Variants in NCOA2 observed in about 807,000 individuals in gnomAD.
NCOA2 encodes nuclear receptor coactivator 2, also known as class E basic helix-loop-helix protein 75.
NCOA2 carries 21 observed loss-of-function variants against 145.1 expected under a neutral mutation model. The ratio of observed to expected loss-of-function variants is 0.14; its 90% CI spans 0.10 to 0.21. The LOEUF is 0.21. NCOA2 is among the 10% of genes least tolerant of loss of function. NCOA2 has a pLI of 1.00. For missense variants in NCOA2, 1,472 were observed against 1,837.6 expected (o/e 0.80, Z 3.64); for synonymous variants, 619 against 637.5 (o/e 0.97, Z 0.44).
In NCOA2 at chr8:70,161,351, T is replaced by C. The variant is rs547928170; in HGVS notation, c.976+1360A>G. ...GTTTTTGTTATTACTATTCTTCCTA[T>C]TTTAAACCAGATGTAATGAAATAGT... On this transcript the variant is annotated intron_variant, in intron 9 of 22. Coordinates refer to ENST00000452400, the MANE Select transcript of NCOA2 (RefSeq NM_006540.4). Among the ~76,000 whole-genome samples the C allele has an allele frequency of 8.4e-4, 128 of 152,356 alleles. 1 individual carries two copies. Among genetic ancestry groups the C allele is most frequent in the African/African-American group, 3.0e-3 (124 of 41,590 alleles).
At chr8:70,262,692 T>C (rs952624862) in intron 2 of NCOA2, among the ~76,000 whole-genome samples, 2 of 152,122 alleles carry the variant, frequency 1.3e-5, no homozygotes, top group Admixed American at 1.3e-4. Context: ...TGGCAGTCAA[T>C]GTGGGAGGAG....
At chr8:70,424,063 AC>A in the NCOA2 span, 15 of 158,364 alleles carry the variant, frequency 9.5e-5, no homozygotes. Flanking sequence ...GGAGCAGCAA[AC>A]TTTCTCTTTT....
At chr8:70,327,797 G>GAGAC (rs915504460) in intron 1 of NCOA2, among the ~76,000 whole-genome samples, 15 of 152,156 alleles carry the variant, frequency 9.9e-5, no homozygotes, top group East Asian at 3.8e-4. Context: ...GATAGATGGA[G>GAGAC]AGACAGACAG....
chr8:70,424,695 C>G, the NCOA2 span: 2 of 251,760 alleles, frequency 7.9e-6, no homozygotes, highest in Non-Finnish European at 1.6e-5. Flanking sequence ...CCTAACTACT[C>G]AATTCTGTCT....
chr8:70,424,191 G>T, the NCOA2 span: 1 of 278,308 alleles, frequency 3.6e-6, no homozygotes, highest in South Asian at 3.7e-5. Context: ...GCTGGCTTCA[G>T]ACACGAAGAC....
chr8:70,273,463 TCACAGAA>T (rs1326820927), intron 2 of NCOA2: 7 of 632,064 alleles, frequency 1.1e-5, no homozygotes, highest in Non-Finnish European at 1.9e-5. Context: ...AGAAGGTGGT[TCACAGAA>T]CAGCCACAGC....
intron 5 of NCOA2, among the ~76,000 whole-genome samples, chr8:70,171,808 A>G (rs1055468599): frequency 6.6e-6 from 1 of 151,814 alleles, no homozygotes; most frequent in African/African-American, 2.4e-5. Context: ...GATCACAGGT[A>G]TGCACCACCA....
chr8:70,195,528 G>C (rs1455162018), intron 4 of NCOA2, among the ~76,000 whole-genome samples: 1 of 152,168 alleles, frequency 6.6e-6, no homozygotes, highest in Admixed American at 6.5e-5. Flanking sequence ...TGTCAGCCTA[G>C]AGGGAATTCT....
chr8:70,166,363 T>C (rs1023764145), intron 7 of NCOA2, among the ~76,000 whole-genome samples: 2 of 152,234 alleles, frequency 1.3e-5, no homozygotes, highest in African/African-American at 2.4e-5. Flanking sequence ...AGTGAAGATA[T>C]GTCACTTCCA....
rs1824843741 is a variant in NCOA2, at chr8:70,269,131, T to G, written c.-20+27613A>C. ...CAAAAATGTAATTTTTTAAAATCAG[T>G]TATATAAAATTAAATCCTACCATTT... On this transcript the variant is annotated intron_variant, in intron 2 of 22. Transcript: ENST00000452400. Among the ~76,000 whole-genome samples the G allele has an allele frequency of 4.6e-5, 7 of 152,318 alleles. No individual in the cohort carries two copies. In the South Asian group the frequency reaches 1.5e-3, roughly 32 times the overall value.
At chr8:70,122,535 G>T (rs78472276) in intron 21 of NCOA2, among the ~76,000 whole-genome samples, 5,269 of 152,066 alleles carry the variant, frequency 0.035, 315 homozygotes, top group African/African-American at 0.12. Flanking sequence ...GGGATTATAG[G>T]CACAAGCCAA....
chr8:70,322,932 C>T (rs1329979035), intron 1 of NCOA2, among the ~76,000 whole-genome samples: 1 of 152,184 alleles, frequency 6.6e-6, no homozygotes, highest in East Asian at 1.9e-4. Context: ...TTTCTGGGTT[C>T]TACAAAGTCC....
intron 1 of NCOA2, among the ~76,000 whole-genome samples, chr8:70,347,358 G>T (rs1808766621): frequency 6.6e-6 from 1 of 151,932 alleles, no homozygotes; most frequent in African/African-American, 2.4e-5. Context: ...GGTGGCGGGT[G>T]CCTATAATTC....
At chr8:70,148,759 G>A (rs1399799903) in intron 11 of NCOA2, among the ~76,000 whole-genome samples, 3 of 152,046 alleles carry the variant, frequency 2.0e-5, no homozygotes, top group Admixed American at 6.6e-5. Context: ...GTGATTTATT[G>A]GCAATTTATA....
chr8:70,416,187 G>GTTT, the NCOA2 span, among the ~76,000 whole-genome samples: 1,398 of 136,618 alleles, frequency 0.01, 19 homozygotes, highest in South Asian at 0.029. Context: ...GGGGACCTCA[G>GTTT]TTTTTTTGTT....
At chr8:70,395,541 A>G (rs1813578392) in intron 1 of NCOA2, among the ~76,000 whole-genome samples, 1 of 152,244 alleles carries the variant, frequency 6.6e-6, no homozygotes, top group Non-Finnish European at 1.5e-5. Flanking sequence ...TTATTTAGGA[A>G]TCTAAAAACA....
At chr8:70,217,933 T>C (rs1819781992) in intron 2 of NCOA2, among the ~76,000 whole-genome samples, 1 of 151,978 alleles carries the variant, frequency 6.6e-6, no homozygotes, top group Non-Finnish European at 1.5e-5. Context: ...GCCCCTCCTT[T>C]ACTTTTTGTA....
chr8:70,399,706 C>T (rs1317604153), intron 1 of NCOA2, among the ~76,000 whole-genome samples: 2 of 152,192 alleles, frequency 1.3e-5, no homozygotes, highest in Non-Finnish European at 2.9e-5. Flanking sequence ...GATCATGACA[C>T]AATAATGGCC....
chr8:70,320,436 CTCTT>C (rs1182709207), intron 1 of NCOA2, among the ~76,000 whole-genome samples: 6 of 152,052 alleles, frequency 3.9e-5, no homozygotes, highest in Middle Eastern at 3.2e-3. Context: ...AGAGAAAAAA[CTCTT>C]TATGCAAGGA....
Sources: allele counts gnomAD v4.1 joint callset (sites outside exome capture counted in the v4.1 genomes callset), GRCh38; gene constraint gnomAD v4.1.1; transcripts MANE v1.5; gene names NCBI Gene and HGNC (gene_info 2026-07-23, HGNC 2026-07-21).